The following SOCS7 variants were observed in gnomAD, a reference collection of about 807,000 sequenced individuals.
The protein encoded by SOCS7 is NAP-4.
Under a neutral mutation model 58.9 loss-of-function variants are expected in SOCS7, and 18 were observed. The ratio of observed to expected loss-of-function variants is 0.31; its 90% CI spans 0.21 to 0.45. The LOEUF (loss-of-function observed/expected upper bound fraction) is 0.45, where lower values mean the gene tolerates loss of function less well. Ranked by LOEUF, SOCS7 falls within the 20% of genes least tolerant of loss-of-function variation. The probability of loss-of-function intolerance (pLI) is 1.00; values close to 1 mark genes in which losing one functional copy is unlikely to be tolerated. For synonymous variants in SOCS7, 388 were observed against 364.3 expected (o/e 1.06, Z -0.74); for missense variants, 667 against 837.3 (o/e 0.80, Z 2.51).
intron 1 of SOCS7, among the ~76,000 whole-genome samples, chr17:38,357,600 C>G (rs1202912597): frequency 2.6e-5 from 4 of 152,232 alleles, no homozygotes; most frequent in African/African-American, 9.6e-5. Context: ...GCACAGATGT[C>G]TGTGTATTGG....
chr17:38,359,764 T>C (rs2037690580), intron 1 of SOCS7, among the ~76,000 whole-genome samples: 1 of 150,670 alleles, frequency 6.6e-6, no homozygotes, highest in African/African-American at 2.4e-5. Context: ...TATTATTTTT[T>C]TAAAAAAATT....
chr17:38,385,568 T>C (rs1224936810), intron 7 of SOCS7, among the ~76,000 whole-genome samples: 1 of 152,096 alleles, frequency 6.6e-6, no homozygotes, highest in Non-Finnish European at 1.5e-5. Flanking sequence ...AATCCTTCCG[T>C]GTGCCCCATA....
At chr17:38,367,519 A>G (rs906293110) in intron 5 of SOCS7, among the ~76,000 whole-genome samples, 3 of 151,254 alleles carry the variant, frequency 2.0e-5, no homozygotes, top group Non-Finnish European at 4.4e-5. Flanking sequence ...GATTACAGGC[A>G]TGTGCCACCA....
intron 7 of SOCS7, among the ~76,000 whole-genome samples, chr17:38,379,274 T>C (rs2037971729): frequency 6.7e-6 from 1 of 148,734 alleles, no homozygotes. Context: ...AGGTCAGGAG[T>C]TCGAGACAGC....
At chr17:38,373,608 CT>C (rs1277226756) in intron 6 of SOCS7, among the ~76,000 whole-genome samples, 2 of 152,134 alleles carry the variant, frequency 1.3e-5, no homozygotes, top group Non-Finnish European at 2.9e-5. Flanking sequence ...CAATGAGAAC[CT>C]TTTTTTCTGG....
At chr17:38,387,884 C>G (rs925314437) in intron 7 of SOCS7, among the ~76,000 whole-genome samples, 4 of 150,744 alleles carry the variant, frequency 2.7e-5, no homozygotes, top group African/African-American at 7.4e-5. Flanking sequence ...ATTCTCCTGC[C>G]CCAGCCTCCC....
chr17:38,353,059 A>C (rs1258947491), intron 1 of SOCS7, 27 bp downstream of exon 1: 3 of 1,525,542 alleles, frequency 2.0e-6, no homozygotes, highest in Non-Finnish European at 2.6e-6. Flanking sequence ...GCTGGCCGAC[A>C]AACTTCCTTT....
intron 1 of SOCS7, among the ~76,000 whole-genome samples, chr17:38,359,277 T>G (rs1235652605): frequency 1.3e-5 from 2 of 152,196 alleles, no homozygotes; most frequent in Admixed American, 6.5e-5. Context: ...GGAGAAACTG[T>G]GTGGCCATAT....
Position 38,403,011 on chromosome 17 carries a change from T to C in SOCS7, c.*3529T>C, listed in dbSNP as rs2038342236. ...GAGTAGGCGGGCGGGGGTTTTGGTG[T>C]GGGCACTAGGTAAGTGGGTGGCAAC... On this transcript the variant is annotated 3_prime_UTR_variant, in exon 10 of 10. Coordinates refer to ENST00000612932, the MANE Select transcript of SOCS7 (RefSeq NM_014598.4). The C allele has an allele frequency of 6.6e-6, 1 of 152,216 alleles. No homozygotes were observed. The highest frequency in any genetic ancestry group is 1.5e-5 in the Non-Finnish European group (1 of 68,048). The allele number at this position is 152,216 out of a possible 1,614,324, so 9.4% of individuals were successfully genotyped here.
intron 4 of SOCS7, chr17:38,366,018 T>G: frequency 8.2e-7 from 1 of 1,213,058 alleles, no homozygotes; most frequent in Non-Finnish European, 1.0e-6. Flanking sequence ...GCCCCTGAAG[T>G]AGTCACCTTA....
chr17:38,394,372 G>A (rs1465300712), intron 7 of SOCS7, among the ~76,000 whole-genome samples: 2 of 152,172 alleles, frequency 1.3e-5, no homozygotes, highest in Non-Finnish European at 2.9e-5. Flanking sequence ...AGGAACTGGG[G>A]GTTATGGGGG....
intron 7 of SOCS7, among the ~76,000 whole-genome samples, chr17:38,381,108 C>G (rs1397866886): frequency 6.6e-6 from 1 of 152,038 alleles, no homozygotes. Context: ...TGGAAACTAC[C>G]TAAAGAAGGT....
intron 2 of SOCS7, among the ~76,000 whole-genome samples, chr17:38,364,312 T>A (rs1049905386): frequency 7.9e-5 from 12 of 152,202 alleles, no homozygotes; most frequent in Non-Finnish European, 1.6e-4. Context: ...CAGCTTACCG[T>A]ACAGTTCTTA....
chr17:38,396,103 C>T, intron 9 of SOCS7, 105 bp downstream of exon 9: 1 of 909,122 alleles, frequency 1.1e-6, no homozygotes, highest in Non-Finnish European at 1.6e-6. Flanking sequence ...ATGGATAGCC[C>T]CGATCCAGGC....
intron 7 of SOCS7, among the ~76,000 whole-genome samples, chr17:38,381,807 A>T (rs1454067397): frequency 6.6e-6 from 1 of 151,916 alleles, no homozygotes; most frequent in East Asian, 1.9e-4. Context: ...CTACTAAAAT[A>T]CAAAAAATTA....
chr17:38,374,163 T>C (rs938897788), intron 6 of SOCS7, among the ~76,000 whole-genome samples: 2 of 152,208 alleles, frequency 1.3e-5, no homozygotes, highest in Non-Finnish European at 2.9e-5. Context: ...GAGGTTACAG[T>C]GAGCCAAGAT....
intron 1 of SOCS7, among the ~76,000 whole-genome samples, chr17:38,353,737 T>C (rs1217428431): frequency 1.3e-5 from 2 of 151,978 alleles, no homozygotes; most frequent in Admixed American, 1.3e-4. Context: ...ACCCCATCTC[T>C]ACAAAACAAA....
chr17:38,399,489 A>C (rs779000793), intron 9 of SOCS7, 24 bp from the exon 10 acceptor site: 1 of 152,374 alleles, frequency 6.6e-6, no homozygotes, highest in Non-Finnish European at 1.5e-5. Flanking sequence ...GAACTGTTTT[A>C]ATTTTTTTTC....
rs587628160 is a variant in SOCS7 at position 38,356,591 on chromosome 17, C to T, written c.980+3559C>T. On this transcript the variant is annotated intron_variant, in intron 1 of 9. Transcript: ENST00000612932. ...TGTTGCCCAGGCTGGTCTCGAACTC[C>T]TGAGCTCAGGCAGTCCGCCCACCGC... Among the ~76,000 whole-genome samples the T allele has an allele frequency of 1.9e-3, 287 of 152,156 alleles. 2 individuals are homozygous for T. Among genetic ancestry groups the T allele is most frequent in the African/African-American group, 6.6e-3 (275 of 41,518 alleles).
Sources: allele counts gnomAD v4.1 joint callset (sites outside exome capture counted in the v4.1 genomes callset), GRCh38; gene constraint gnomAD v4.1.1; transcripts MANE v1.5; gene names NCBI Gene and HGNC (gene_info 2026-07-23, HGNC 2026-07-21).